Variants in TMC1 observed in about 807,000 individuals in gnomAD.
TMC1 encodes the protein transmembrane channel-like protein 1.
In TMC1, 84 loss-of-function variants were observed where a neutral mutation model predicts 105.8. The observed-to-expected ratio is 0.79, with a 90% confidence interval of 0.67 to 0.95. TMC1 has a LOEUF of 0.95. TMC1 is among the 40% of genes least tolerant of loss of function. The pLI is 0.00. For synonymous variants in TMC1, 315 were observed against 311.5 expected, an observed-to-expected ratio of 1.01 and a Z score of -0.12; for missense variants, 817 against 914.1, an observed-to-expected ratio of 0.89 and a Z score of 1.37.
chr9:72,739,523 T>A (rs1007190956), intron 8 of TMC1, among the ~76,000 whole-genome samples: 2 of 152,216 alleles, frequency 1.3e-5, no homozygotes, highest in African/African-American at 4.8e-5. Flanking sequence ...TTGGGAGTAA[T>A]GTTAAAGTTT....
intron 5 of TMC1, among the ~76,000 whole-genome samples, chr9:72,661,527 T>C (rs537068875): frequency 7.2e-5 from 11 of 152,326 alleles, no homozygotes; most frequent in Non-Finnish European, 1.5e-4. Flanking sequence ...TACTGCCTCC[T>C]CTGTGTTGCT....
intron 4 of TMC1, among the ~76,000 whole-genome samples, chr9:72,648,083 C>T (rs1825743590): frequency 6.6e-6 from 1 of 152,146 alleles, no homozygotes; most frequent in Non-Finnish European, 1.5e-5. Context: ...TACTATGCCC[C>T]CAGGTTTCCC....
chr9:72,563,815 G>A (rs1030118616), intron 1 of TMC1, among the ~76,000 whole-genome samples: 9 of 141,888 alleles, frequency 6.3e-5, no homozygotes, highest in Non-Finnish European at 9.0e-5. Flanking sequence ...CAGGAGAATC[G>A]CTTGAACCTC....
intron 2 of TMC1, among the ~76,000 whole-genome samples, chr9:72,593,455 A>G (rs968427089): frequency 1.3e-5 from 2 of 151,666 alleles, no homozygotes; most frequent in African/African-American, 2.4e-5. Context: ...CTGGAGCGCA[A>G]TGGCATGATC....
At chr9:72,597,017 A>T (rs919019395) in intron 2 of TMC1, among the ~76,000 whole-genome samples, 1 of 152,214 alleles carries the variant, frequency 6.6e-6, no homozygotes, top group African/African-American at 2.4e-5. Flanking sequence ...GCGGATTTGA[A>T]TTTCACAAAT....
Position 72,694,600 on chromosome 9 carries a change from A to G in TMC1, c.122A>G (p.Lys41Arg). 1 of 1,613,202 alleles carries G rather than the reference A, an allele frequency of 6.2e-7. No homozygotes were observed. Among genetic ancestry groups the G allele is most frequent in the Non-Finnish European group, 8.5e-7 (1 of 1,179,546 alleles). ...CCTCGAAGAGAGAGCTTGAGACCAA[A>G]GAGGAAACGGACCAGAGATGTTATC... ...KLPRRESLRP[K>R]RKRTRDVINE... is the part of the protein sequence containing the mutation. The change falls in exon 7 of 24, where the codon AAG becomes AGG. Residue 41 changes from lysine (K) to arginine (R), a missense_variant. Lys to Arg is a conservative substitution (Grantham distance 26, BLOSUM62 2). Coordinates refer to ENST00000297784, the MANE Select transcript of TMC1 (RefSeq NM_138691.3).
rs552788467 is a variant in TMC1, at chr9:72,547,374, A to G, written c.-428+25461A>G. ...CCCTAAAAAAAAATCATACATGAAGAAACATTTCCAAAACAGTGGAGTTTG... is the reference window on the plus strand; with the variant it reads ...CCCTAAAAAAAAATCATACATGAAGGAACATTTCCAAAACAGTGGAGTTTG... On this transcript the variant is annotated intron_variant, in intron 1 of 23. Coordinates refer to ENST00000297784, the MANE Select transcript of TMC1 (RefSeq NM_138691.3). Among the ~76,000 whole-genome samples the G allele has an allele frequency of 2.0e-5, 3 of 152,180 alleles. No homozygotes were observed. The South Asian group carries it at 6.2e-4, about 31-fold the overall frequency.
chr9:72,722,126 T>C (rs1827037233), intron 8 of TMC1, among the ~76,000 whole-genome samples: 1 of 152,170 alleles, frequency 6.6e-6, no homozygotes, highest in African/African-American at 2.4e-5. Context: ...CATCAACTCA[T>C]TTAATCCTTA....
chr9:72,578,201 A>C (rs1205449340), intron 2 of TMC1, 178 bp downstream of exon 2: 2 of 151,724 alleles, frequency 1.3e-5, no homozygotes, highest in East Asian at 3.9e-4. Context: ...CTCCTCAAGG[A>C]CTTTGAGCAC....
At chr9:72,765,819 G>A (rs1827822915) in intron 12 of TMC1, among the ~76,000 whole-genome samples, 1 of 152,178 alleles carries the variant, frequency 6.6e-6, no homozygotes, top group Non-Finnish European at 1.5e-5. Flanking sequence ...AGTGGAGTGA[G>A]ATGTGTAATG....
intron 1 of TMC1, among the ~76,000 whole-genome samples, chr9:72,549,806 G>T (rs1274924592): frequency 2.0e-5 from 3 of 151,798 alleles, no homozygotes; most frequent in Non-Finnish European, 4.4e-5. Flanking sequence ...CAGAGATGGG[G>T]TTTCATTATG....
At chr9:72,618,153 C>T (rs1267765703) in intron 3 of TMC1, among the ~76,000 whole-genome samples, 3 of 150,384 alleles carry the variant, frequency 2.0e-5, no homozygotes, top group Non-Finnish European at 4.4e-5. Flanking sequence ...CTCAGCCTCT[C>T]GAGTTGCTGG....
At chr9:72,721,916 C>CT (rs1286419099) in intron 8 of TMC1, among the ~76,000 whole-genome samples, 4 of 152,148 alleles carry the variant, frequency 2.6e-5, no homozygotes, top group African/African-American at 9.7e-5. Context: ...CCTTCAATGT[C>CT]TCCCTAGTAA....
intron 23 of TMC1, among the ~76,000 whole-genome samples, chr9:72,831,875 G>A (rs1829047708): frequency 6.6e-6 from 1 of 151,850 alleles, no homozygotes; most frequent in Non-Finnish European, 1.5e-5. Context: ...CTTTGCTATT[G>A]TGAATAGTGC....
intron 12 of TMC1, among the ~76,000 whole-genome samples, chr9:72,767,536 A>G (rs950641682): frequency 2.0e-5 from 3 of 152,252 alleles, no homozygotes; most frequent in Admixed American, 6.5e-5. Flanking sequence ...TAAGTTCTCA[A>G]TAAGTGTTAG....
intron 2 of TMC1, among the ~76,000 whole-genome samples, chr9:72,590,612 A>G (rs1420761138): frequency 6.6e-6 from 1 of 152,232 alleles, no homozygotes; most frequent in Non-Finnish European, 1.5e-5. Flanking sequence ...CATTCATTCA[A>G]CACATATTCG....
In TMC1 at chr9:72,773,672, G is replaced by A. The variant is rs866952731; in HGVS notation, c.884+1117G>A. On this transcript the variant is annotated intron_variant, in intron 13 of 23. Coordinates refer to ENST00000297784, the MANE Select transcript of TMC1 (RefSeq NM_138691.3). The stretch of plus-strand genomic sequence containing the variant: ...CTTTTGACTATATTGCTCTGGTTGG[G>A]CTGAAGTCAGAGGTATCATTTACAT... Among the ~76,000 whole-genome samples, 7 of 152,240 alleles carry A rather than the reference G, an allele frequency of 4.6e-5. No homozygotes were observed. In the South Asian group the frequency reaches 1.5e-3, roughly 32 times the overall value.
chr9:72,695,976 G>A (rs1826543689), intron 7 of TMC1, among the ~76,000 whole-genome samples: 1 of 152,070 alleles, frequency 6.6e-6, no homozygotes, highest in Non-Finnish European at 1.5e-5. Flanking sequence ...ATGATTGTTA[G>A]TTCCATTATT....
chr9:72,682,376 G>T (rs1297385355), intron 5 of TMC1, among the ~76,000 whole-genome samples: 1 of 152,062 alleles, frequency 6.6e-6, no homozygotes, highest in Non-Finnish European at 1.5e-5. Flanking sequence ...TCTCACTCCT[G>T]ATAATTTTTT....
Sources: gnomAD v4.1 joint callset for allele counts (sites outside exome capture counted in the v4.1 genomes callset) on GRCh38, gnomAD v4.1.1 for gene constraint, MANE v1.5 for transcripts, NCBI Gene and HGNC (gene_info 2026-07-23, HGNC 2026-07-21) for gene names.